WWOX: variants seen among roughly 807,000 people sequenced by gnomAD.
WWOX encodes the protein WW domain containing oxidoreductase.
A neutral mutation model predicts 46.2 loss-of-function variants in WWOX; 69 were observed. That is an observed-to-expected ratio of 1.49 (90% CI 1.23 to 1.82). WWOX has a LOEUF of 1.82. Ranked by LOEUF, WWOX falls within the 40% of genes most tolerant of loss-of-function variation. The probability of loss-of-function intolerance (pLI) is 0.00; values close to 1 mark genes in which losing one functional copy is unlikely to be tolerated. For missense variants in WWOX, 919 were observed against 542.6 expected (o/e 1.69, Z -6.89); for synonymous variants, 359 against 202.6 (o/e 1.77, Z -6.56).
chr16:78,991,172 A>G (rs2046879546), intron 8 of WWOX, among the ~76,000 whole-genome samples: 1 of 152,196 alleles, frequency 6.6e-6, no homozygotes, highest in South Asian at 2.1e-4. Context: ...TGTCAAAGTC[A>G]AAGAAGAAAT....
chr16:78,136,011 G>A lies in WWOX; in HGVS notation c.409+20857G>A, dbSNP rs140293635. Among the ~76,000 whole-genome samples the A allele has an allele frequency of 2.0e-3, 298 of 152,258 alleles. 2 individuals are homozygous for A. Among genetic ancestry groups the A allele is most frequent in the African/African-American group, 6.5e-3 (269 of 41,542 alleles). On this transcript the variant is annotated intron_variant, in intron 4 of 8. Transcript: ENST00000566780. Reference sequence around the variant, plus strand: ...TAAAGTCCAAGAGGTGCTTTTATGAGGCAGGCTGGAAATGGCATCCGATTT... The same window carrying A: ...TAAAGTCCAAGAGGTGCTTTTATGAAGCAGGCTGGAAATGGCATCCGATTT...
At chr16:78,498,361 C>T (rs752178558) in intron 8 of WWOX, among the ~76,000 whole-genome samples, 2 of 152,126 alleles carry the variant, frequency 1.3e-5, no homozygotes, top group Non-Finnish European at 2.9e-5. Context: ...AGTGATTTCA[C>T]AGTTGATAGA....
intron 8 of WWOX, among the ~76,000 whole-genome samples, chr16:78,459,663 A>G (rs1046080677): frequency 2.0e-5 from 3 of 152,190 alleles, no homozygotes; most frequent in Non-Finnish European, 4.4e-5. Flanking sequence ...ATGTTTGCCA[A>G]TGGATATTCT....
At chr16:78,499,229 G>C (rs2245006) in intron 8 of WWOX, among the ~76,000 whole-genome samples, 15,396 of 151,876 alleles carry the variant, frequency 0.1, 863 homozygotes, top group African/African-American at 0.15. Flanking sequence ...CTTTGCTTTG[G>C]GGGGGTGAGG....
intron 4 of WWOX, among the ~76,000 whole-genome samples, chr16:78,141,916 C>T (rs894613516): frequency 1.3e-5 from 2 of 151,346 alleles, no homozygotes; most frequent in African/African-American, 4.9e-5. Flanking sequence ...GAGCTAGGGG[C>T]AAAATACATA....
At chr16:79,013,999 C>T (rs1435094426) in intron 8 of WWOX, among the ~76,000 whole-genome samples, 1 of 152,166 alleles carries the variant, frequency 6.6e-6, no homozygotes, top group Non-Finnish European at 1.5e-5. Context: ...CTCCTTTTGT[C>T]AGTTGGCATG....
intron 5 of WWOX, among the ~76,000 whole-genome samples, chr16:78,225,965 A>T (rs1314595678): frequency 6.6e-6 from 1 of 152,158 alleles, no homozygotes; most frequent in Non-Finnish European, 1.5e-5. Flanking sequence ...TCTAGTACTA[A>T]TTGTATTTTT....
Position 78,597,096 on chromosome 16 carries a change from T to G in WWOX, c.1056+164344T>G, listed in dbSNP as rs899354357. ...AGCCAGGTGCTTACGACCTGGGTGC[T>G]AGTATCTTTGTGAAAACTGCTCCTG... On this transcript the variant is annotated intron_variant, in intron 8 of 8. Coordinates refer to ENST00000566780, the MANE Select transcript of WWOX (RefSeq NM_016373.4). Among the ~76,000 whole-genome samples the G allele has an allele frequency of 2.6e-5, 4 of 152,310 alleles. No individual in the cohort carries two copies. The East Asian group carries it at 7.7e-4, about 29-fold the overall frequency.
chr16:79,077,130 C>G (rs2048672675), intron 8 of WWOX, among the ~76,000 whole-genome samples: 5 of 152,188 alleles, frequency 3.3e-5, no homozygotes. Context: ...TCTCCAACCC[C>G]TAAGCCCGTG....
intron 8 of WWOX, among the ~76,000 whole-genome samples, chr16:78,712,357 C>G (rs2048461535): frequency 6.6e-6 from 1 of 152,046 alleles, no homozygotes; most frequent in Non-Finnish European, 1.5e-5. Context: ...CAAAAATTAG[C>G]TGGGCATAGT....
chr16:78,491,073 C>G (rs767931945), intron 8 of WWOX, among the ~76,000 whole-genome samples: 4 of 152,190 alleles, frequency 2.6e-5, no homozygotes, highest in Non-Finnish European at 5.9e-5. Flanking sequence ...CAGGCTGAGT[C>G]ATCTGTGCCA....
chr16:78,582,354 T>A (rs553439540), intron 8 of WWOX, among the ~76,000 whole-genome samples: 1 of 152,294 alleles, frequency 6.6e-6, no homozygotes, highest in African/African-American at 2.4e-5. Context: ...TTGTATTAAT[T>A]TAGACAAGAA....
intron 8 of WWOX, among the ~76,000 whole-genome samples, chr16:79,193,215 A>G (rs990051341): frequency 6.6e-6 from 1 of 152,168 alleles, no homozygotes; most frequent in Non-Finnish European, 1.5e-5. Flanking sequence ...TTCATCTCCA[A>G]ATTTGATTCC....
intron 8 of WWOX, chr16:79,203,884 C>A (rs555717815): frequency 3.9e-5 from 6 of 152,268 alleles, no homozygotes; most frequent in African/African-American, 1.4e-4. Flanking sequence ...ATAACCATAA[C>A]AGAGGTTAAA....
At chr16:78,436,239 C>G (rs150011918) in intron 8 of WWOX, among the ~76,000 whole-genome samples, 1 of 152,088 alleles carries the variant, frequency 6.6e-6, no homozygotes, top group Non-Finnish European at 1.5e-5. Context: ...AATTGGGAGT[C>G]TGGAAAGGGA....
intron 1 of WWOX, among the ~76,000 whole-genome samples, chr16:78,100,893 C>G (rs896306913): frequency 4.6e-5 from 7 of 152,092 alleles, no homozygotes; most frequent in African/African-American, 1.7e-4. Context: ...CTACTGTAGC[C>G]GACTCTCAAC....
At chr16:79,166,778 TTC>T (rs1197206656) in intron 8 of WWOX, among the ~76,000 whole-genome samples, 1 of 152,212 alleles carries the variant, frequency 6.6e-6, no homozygotes, top group Non-Finnish European at 1.5e-5. Flanking sequence ...TGTGTTTGCA[TTC>T]TTTAGTATAT....
intron 5 of WWOX, among the ~76,000 whole-genome samples, chr16:78,306,873 C>A (rs1342650131): frequency 2.6e-5 from 4 of 152,192 alleles, no homozygotes; most frequent in Non-Finnish European, 5.9e-5. Context: ...CTCCTTCCCA[C>A]AATTCCCAGT....
rs1567457899 is a variant in WWOX, at chr16:78,982,096, G to A, written c.1057-229512G>A. On this transcript the variant is annotated intron_variant, in intron 8 of 8. Transcript: ENST00000566780. ...GGCCCATCTGAGCCTCACTGGGGAT[G>A]GGCTAAACTCCGTGGGGTTTGTATT... is the stretch of plus-strand genomic sequence containing the variant. 1.3e-5 allele frequency among the ~76,000 whole-genome samples: 2 copies of A among 152,136 alleles called. 1 individual carries two copies. The highest frequency in any genetic ancestry group is 4.8e-5 in the African/African-American group (2 of 41,436).
Sources: gnomAD v4.1 joint callset for allele counts (sites outside exome capture counted in the v4.1 genomes callset) on GRCh38, gnomAD v4.1.1 for gene constraint, MANE v1.5 for transcripts, NCBI Gene and HGNC (gene_info 2026-07-23, HGNC 2026-07-21) for gene names.